Variants in ZNRF2 observed in about 807,000 individuals in gnomAD.
The protein encoded by ZNRF2 is E3 ubiquitin-protein ligase ZNRF2.
In ZNRF2, 16 loss-of-function variants were observed where a neutral mutation model predicts 20.4. The observed-to-expected ratio is 0.79, with a 90% CI of 0.53 to 1.19. The LOEUF is 1.19. Ranked by LOEUF, ZNRF2 falls within the 50% of genes most tolerant of loss-of-function variation. The pLI is 0.00. For synonymous variants in ZNRF2, 178 were observed against 144.9 expected, an observed-to-expected ratio of 1.23 and a Z score of -1.64; for missense variants, 363 against 332.4, an observed-to-expected ratio of 1.09 and a Z score of -0.72.
rs1431191341 is a variant in ZNRF2 at position 30,284,605 on chromosome 7, G to C, written c.-753G>C. On this transcript the variant is annotated 5_prime_UTR_variant, in exon 1 of 5. Transcript: ENST00000323037. ...GTCAACGCGCGCGACCCAAACACAC[G>C]GGCCGGGCGCACCCTGCAGCCGCGC... is the stretch of plus-strand genomic sequence containing the variant. 1 of 152,906 alleles carries C rather than the reference G, an allele frequency of 6.5e-6. No homozygotes were observed. Among genetic ancestry groups the C allele is most frequent in the South Asian group, 1.9e-4 (1 of 5,164 alleles). The allele number at this position is 152,906 out of a possible 1,614,324, so 9.5% of individuals were successfully genotyped here.
At chr7:30,347,338 T>C (rs1042637694) in intron 2 of ZNRF2, among the ~76,000 whole-genome samples, 4 of 152,210 alleles carry the variant, frequency 2.6e-5, no homozygotes, top group Admixed American at 6.5e-5. Context: ...AATTGTTCCT[T>C]GGAGCAGGGA....
chr7:30,361,795 A>G (rs1036551317), intron 3 of ZNRF2, among the ~76,000 whole-genome samples: 1 of 152,184 alleles, frequency 6.6e-6, no homozygotes, highest in African/African-American at 2.4e-5. Context: ...CAGATCCACA[A>G]TGACGATGAT....
intron 4 of ZNRF2, among the ~76,000 whole-genome samples, chr7:30,365,662 T>C (rs1800202058): frequency 6.6e-6 from 1 of 152,218 alleles, no homozygotes; most frequent in South Asian, 2.1e-4. Flanking sequence ...AGGCACTGTG[T>C]AGCCATAAAG....
At chr7:30,295,384 T>C (rs189290004) in intron 1 of ZNRF2, among the ~76,000 whole-genome samples, 3 of 152,258 alleles carry the variant, frequency 2.0e-5, no homozygotes, top group African/African-American at 7.2e-5. Flanking sequence ...CTTAAGCAAG[T>C]TGCTTAGTTC....
rs78007797 is a variant in ZNRF2 at position 30,307,326 on chromosome 7, GTTTTTTTTTTT to G, written c.470-16302_470-16292del. Among the ~76,000 whole-genome samples, 28 of 43,240 alleles carry G rather than the reference GTTTTTTTTTTT, an allele frequency of 6.5e-4. No individual in the cohort carries two copies. The South Asian group carries it at 0.024, about 37-fold the overall frequency. The allele number at this position is 43,240 out of a possible 152,430, so 28.4% of individuals were successfully genotyped here. On this transcript the variant is annotated intron_variant, in intron 1 of 4. Coordinates refer to ENST00000323037, the MANE Select transcript of ZNRF2 (RefSeq NM_147128.4). ...TGTCTTCTTTCTGCTGTTTTTTTTT[GTTTTTTTTTTT>G]TTTTTTTTTTTTTGGCTGGGGGTGG...
chr7:30,321,080 G>C (rs572264370), intron 1 of ZNRF2, among the ~76,000 whole-genome samples: 1 of 152,174 alleles, frequency 6.6e-6, no homozygotes, highest in South Asian at 2.1e-4. Context: ...TTCCCTGCCC[G>C]TTGCCGTGCC....
chr7:30,350,486 T>C (rs1267568150), intron 2 of ZNRF2, among the ~76,000 whole-genome samples: 2 of 152,042 alleles, frequency 1.3e-5, no homozygotes, highest in Non-Finnish European at 2.9e-5. Flanking sequence ...ATAAACGTTA[T>C]TCCCATATTT....
intron 2 of ZNRF2, among the ~76,000 whole-genome samples, chr7:30,332,728 A>G (rs201119673): frequency 2.0e-5 from 3 of 152,084 alleles, no homozygotes; most frequent in Non-Finnish European, 4.4e-5. Flanking sequence ...ATGGCTGTGT[A>G]GTATTCCATG....
At chr7:30,337,351 ATT>A (rs975610847) in intron 2 of ZNRF2, among the ~76,000 whole-genome samples, 4 of 152,038 alleles carry the variant, frequency 2.6e-5, no homozygotes, top group African/African-American at 9.7e-5. Flanking sequence ...GCCTGGCTAC[ATT>A]TTTTTGGATT....
intron 2 of ZNRF2, among the ~76,000 whole-genome samples, chr7:30,331,097 A>G (rs528789872): frequency 6.6e-6 from 1 of 152,324 alleles, no homozygotes; most frequent in South Asian, 2.1e-4. Context: ...ACTGCCTTAC[A>G]GAAATCTCAA....
intron 2 of ZNRF2, among the ~76,000 whole-genome samples, chr7:30,339,032 G>A (rs1799757317): frequency 6.6e-6 from 1 of 152,170 alleles, no homozygotes; most frequent in African/African-American, 2.4e-5. Flanking sequence ...GTGATGATGA[G>A]CTTTCTTTCA....
At chr7:30,311,538 G>A (rs930962623) in intron 1 of ZNRF2, among the ~76,000 whole-genome samples, 6 of 152,124 alleles carry the variant, frequency 3.9e-5, no homozygotes, top group Admixed American at 2.0e-4. Context: ...AGCCCCAATG[G>A]GAAAGAAAGT....
chr7:30,334,134 A>G (rs1799681563), intron 2 of ZNRF2, among the ~76,000 whole-genome samples: 1 of 152,106 alleles, frequency 6.6e-6, no homozygotes, highest in Admixed American at 6.6e-5. Flanking sequence ...GAAGTCTGAC[A>G]TGGAAGTCTT....
chr7:30,333,319 G>A (rs937366141), intron 2 of ZNRF2, among the ~76,000 whole-genome samples: 1 of 149,246 alleles, frequency 6.7e-6, no homozygotes, highest in Admixed American at 6.7e-5. Context: ...CTCCCAAAAG[G>A]CTGGGATTAC....
intron 1 of ZNRF2, among the ~76,000 whole-genome samples, chr7:30,300,339 G>A (rs1180629578): frequency 2.0e-5 from 3 of 151,280 alleles, no homozygotes; most frequent in Non-Finnish European, 4.4e-5. Context: ...AGTAGAGACA[G>A]GGTTTCACCA....
chr7:30,324,408 G>T (rs998735389), intron 2 of ZNRF2, among the ~76,000 whole-genome samples: 5 of 151,704 alleles, frequency 3.3e-5, no homozygotes, highest in Non-Finnish European at 5.9e-5. Context: ...AATTAGCTGG[G>T]TGTGGTGGTG....
intron 2 of ZNRF2, among the ~76,000 whole-genome samples, chr7:30,327,312 T>G (rs1009413290): frequency 6.6e-6 from 1 of 152,054 alleles, no homozygotes; most frequent in African/African-American, 2.4e-5. Context: ...TTTTTGTATG[T>G]GGTTTAAGGA....
chr7:30,362,776 T>TTGG (rs1800148469), intron 4 of ZNRF2, among the ~76,000 whole-genome samples: 4 of 152,094 alleles, frequency 2.6e-5, no homozygotes, highest in African/African-American at 9.6e-5. Context: ...TTAGCCAGGC[T>TTGG]TGGTGGTGCA....
At chr7:30,348,871 C>G (rs1433398833) in intron 2 of ZNRF2, among the ~76,000 whole-genome samples, 2 of 152,138 alleles carry the variant, frequency 1.3e-5, no homozygotes, top group Non-Finnish European at 2.9e-5. Context: ...CTCATAGCCT[C>G]TAGAAGAAGC....
Sources: allele counts gnomAD v4.1 joint callset (sites outside exome capture counted in the v4.1 genomes callset), GRCh38; gene constraint gnomAD v4.1.1; transcripts MANE v1.5; gene names NCBI Gene and HGNC (gene_info 2026-07-23, HGNC 2026-07-21).